Variants in DCDC1 observed in about 807,000 individuals in gnomAD.
DCDC1 encodes the protein doublecortin domain containing 1, also known as doublecortin domain-containing protein 1.
A neutral mutation model predicts 178.3 loss-of-function variants in DCDC1; 200 were observed. That is an observed-to-expected ratio of 1.12 (90% CI 1.00 to 1.26). DCDC1 has a LOEUF of 1.26. Among genes scored for constraint, DCDC1 ranks in the 50% most tolerant of loss-of-function variants. The pLI is 0.00. For missense variants in DCDC1, 1,983 were observed against 1,749.2 expected (o/e 1.13, Z -2.38); for synonymous variants, 690 against 604.8 (o/e 1.14, Z -2.07).
At chr11:30,911,295 C>T (rs1178021286) in intron 28 of DCDC1, 32 bp downstream of exon 28, 3 of 1,529,984 alleles carry the variant, frequency 2.0e-6, no homozygotes, top group Admixed American at 3.8e-5. Flanking sequence ...AATTAAAAGG[C>T]CATGACTAAT....
chr11:31,280,620 A>T (rs1946355262), intron 7 of DCDC1: 3 of 428,728 alleles, frequency 7.0e-6, no homozygotes, highest in African/African-American at 6.1e-5. Context: ...TACATAAAAA[A>T]GTCATGAGAC....
At chr11:30,923,302 A>G (rs1233902214) in intron 23 of DCDC1, among the ~76,000 whole-genome samples, 2 of 152,056 alleles carry the variant, frequency 1.3e-5, no homozygotes, top group Non-Finnish European at 2.9e-5. Flanking sequence ...GAAAACATTT[A>G]ATGACCCCTG....
Position 30,952,462 on chromosome 11 carries a change from TG to T in DCDC1, c.2697del (p.Ser900ValfsTer23). On this transcript the variant is annotated frameshift_variant, in exon 21 of 39. Coordinates refer to ENST00000684477, the MANE Select transcript of DCDC1 (RefSeq NM_001387274.1). LOFTEE classifies it high-confidence loss of function. The part of the protein sequence containing the change: ...NKLTYMWPVL[P>X]SGQLNEEFDW... ...AACACAACCTCATTAAGTTGGCCAC[TG>T]GGAAGGACAGGCCACATGTAGGTAA... 1 of 1,568,406 alleles carries T rather than the reference TG, an allele frequency of 6.4e-7. No homozygotes were observed. Among genetic ancestry groups the T allele is most frequent in the Non-Finnish European group, 8.6e-7 (1 of 1,159,648 alleles).
chr11:30,893,025 T>C (rs1943916647), intron 35 of DCDC1, 28 bp from the exon 36 acceptor site: 1 of 1,611,306 alleles, frequency 6.2e-7, no homozygotes, highest in African/African-American at 1.3e-5. Flanking sequence ...GAGAATGTTG[T>C]GTTTAGAGAA....
At position 31,102,236 on chromosome 11, in the gene DCDC1, G is replaced by A. The variant is rs1163565506; in HGVS notation, c.1924C>T (p.Gln642Ter). The change falls in exon 15 of 39, where the codon CAA (glutamine) becomes TAA (stop). Residue 642 changes from glutamine (Q) to a stop codon, truncating the protein, a stop_gained. Transcript: ENST00000684477. LOFTEE classifies it high-confidence loss of function. ...TTTTCAAACTGGTCAGGTATCTGTT[G>A]ACTGGTACAGTTGAAATTAATTGGA... ...GFPINFNCTS[Q>*]QIPDQFEKVD... 10 of 739,690 alleles carry A rather than the reference G, an allele frequency of 1.4e-5. No individual in the cohort carries two copies. Among genetic ancestry groups the A allele is most frequent in the Admixed American group, 1.0e-4 (6 of 57,372 alleles). The allele number at this position is 739,690 out of a possible 1,614,324, so 45.8% of individuals were successfully genotyped here.
At chr11:31,250,579 G>GAGC (rs1326982034) in intron 8 of DCDC1, among the ~76,000 whole-genome samples, 3 of 150,854 alleles carry the variant, frequency 2.0e-5, no homozygotes, top group African/African-American at 7.3e-5. Flanking sequence ...GCTGTTCCTG[G>GAGC]AGCCTAGACA....
At chr11:30,994,285 A>T (rs1244975526) in intron 20 of DCDC1, among the ~76,000 whole-genome samples, 1 of 152,010 alleles carries the variant, frequency 6.6e-6, no homozygotes, top group African/African-American at 2.4e-5. Flanking sequence ...GCAAACCAGG[A>T]ATAGAATGAA....
At chr11:31,299,107 T>A (rs992041076) in intron 6 of DCDC1, among the ~76,000 whole-genome samples, 1 of 152,236 alleles carries the variant, frequency 6.6e-6, no homozygotes, top group African/African-American at 2.4e-5. Context: ...GTAAATAGAT[T>A]AAATCCAGGT....
chr11:30,935,907 C>T (rs1441692713), intron 21 of DCDC1, among the ~76,000 whole-genome samples: 1 of 152,136 alleles, frequency 6.6e-6, no homozygotes, highest in Non-Finnish European at 1.5e-5. Flanking sequence ...CCTCAGGTGA[C>T]CCATGCACTG....
intron 21 of DCDC1, chr11:30,944,013 C>T (rs767449417): frequency 1.2e-4 from 31 of 257,888 alleles, no homozygotes; most frequent in African/African-American, 2.9e-4. Flanking sequence ...ATTGGAGTCT[C>T]ACTCAGGGTG....
chr11:31,052,499 T>C (rs1367411174), intron 20 of DCDC1, among the ~76,000 whole-genome samples: 1 of 152,094 alleles, frequency 6.6e-6, no homozygotes, highest in East Asian at 1.9e-4. Flanking sequence ...TTGGAACAAA[T>C]AGACTTAACA....
intron 9 of DCDC1, among the ~76,000 whole-genome samples, chr11:31,209,645 T>C (rs979791324): frequency 6.6e-5 from 10 of 152,276 alleles, no homozygotes; most frequent in African/African-American, 1.9e-4. Context: ...CCAGAGCTGA[T>C]TGAGTCTGCA....
intron 4 of DCDC1, 43 bp from the exon 5 acceptor site, chr11:31,306,431 G>A: frequency 3.3e-6 from 5 of 1,535,918 alleles, no homozygotes; most frequent in East Asian, 2.3e-5. Context: ...ATGCTAATTA[G>A]TGAAAGCTTT....
chr11:31,356,846 A>G (rs1298522126), intron 1 of DCDC1, among the ~76,000 whole-genome samples: 2 of 152,050 alleles, frequency 1.3e-5, no homozygotes, highest in African/African-American at 2.4e-5. Flanking sequence ...GAAGAAATGG[A>G]TAAATTCCTT....
chr11:31,314,766 CTGAT>C (rs1464504237), intron 3 of DCDC1, among the ~76,000 whole-genome samples: 2 of 152,170 alleles, frequency 1.3e-5, no homozygotes, highest in Non-Finnish European at 2.9e-5. Context: ...TTAAAGATAA[CTGAT>C]TATGTCACTT....
At chr11:30,942,403 G>A (rs771916923) in intron 21 of DCDC1, among the ~76,000 whole-genome samples, 63 of 152,254 alleles carry the variant, frequency 4.1e-4, no homozygotes, top group Non-Finnish European at 6.2e-4. Flanking sequence ...CAAGGGTTGG[G>A]TAGGTGAGAG....
At chr11:31,091,055 T>C (rs1957791339) in intron 17 of DCDC1, among the ~76,000 whole-genome samples, 1 of 152,180 alleles carries the variant, frequency 6.6e-6, no homozygotes, top group African/African-American at 2.4e-5. Flanking sequence ...AAAAAGGTTA[T>C]GAATATACAC....
chr11:31,118,340 C>T (rs1591107903), intron 11 of DCDC1, among the ~76,000 whole-genome samples: 1 of 152,052 alleles, frequency 6.6e-6, no homozygotes, highest in African/African-American at 2.4e-5. Context: ...TATAATAAAA[C>T]ATTTATATTT....
chr11:30,912,099 C>T (rs273601), intron 27 of DCDC1, among the ~76,000 whole-genome samples: 96,851 of 151,754 alleles, frequency 0.64, 31,404 homozygotes, highest in Middle Eastern at 0.78. Context: ...AGGAATGTGA[C>T]GTGATGTTCT....
Sources: allele counts gnomAD v4.1 joint callset (sites outside exome capture counted in the v4.1 genomes callset), GRCh38; gene constraint gnomAD v4.1.1; transcripts MANE v1.5; gene names NCBI Gene and HGNC (gene_info 2026-07-23, HGNC 2026-07-21).